Variants in NOS1 observed in about 807,000 individuals in gnomAD.
NOS1 encodes the protein NOS type I.
Under a neutral mutation model 164.5 loss-of-function variants are expected in NOS1, and 51 were observed. That is an observed-to-expected ratio of 0.31 (90% CI 0.25 to 0.39). NOS1 has a LOEUF of 0.39. NOS1 is among the 10% of genes least tolerant of loss of function. The pLI, the probability that NOS1 is intolerant of heterozygous loss-of-function variation, is 1.00. For synonymous variants in NOS1, 719 were observed against 745.8 expected, an observed-to-expected ratio of 0.96 and a Z score of 0.59; for missense variants, 1,362 against 1,885.6, an observed-to-expected ratio of 0.72 and a Z score of 5.14.
At chr12:117,262,618 G>A (rs1378634715) in intron 13 of NOS1, among the ~76,000 whole-genome samples, 2 of 152,118 alleles carry the variant, frequency 1.3e-5, no homozygotes, top group African/African-American at 4.8e-5. Context: ...TGTCTCTGGG[G>A]CCCATGGCTT....
At chr12:117,309,047 A>C (rs1874300342) in intron 3 of NOS1, among the ~76,000 whole-genome samples, 1 of 152,172 alleles carries the variant, frequency 6.6e-6, no homozygotes. Context: ...ATCTGGCCCG[A>C]GGCTGCCTCT....
chr12:117,287,514 C>T (rs749011080), intron 5 of NOS1, among the ~76,000 whole-genome samples: 5 of 152,060 alleles, frequency 3.3e-5, no homozygotes, highest in Non-Finnish European at 7.3e-5. Flanking sequence ...TCTTGGCTCA[C>T]TACAACCTCC....
chr12:117,266,686 T>A (rs1306793158), intron 11 of NOS1, among the ~76,000 whole-genome samples: 1 of 151,990 alleles, frequency 6.6e-6, no homozygotes, highest in Non-Finnish European at 1.5e-5. Context: ...TACAGGCACA[T>A]GCCACTACTG....
intron 24 of NOS1, among the ~76,000 whole-genome samples, chr12:117,226,460 T>C (rs1868682994): frequency 6.6e-6 from 1 of 152,066 alleles, no homozygotes; most frequent in Non-Finnish European, 1.5e-5. Context: ...CCAAATGAAA[T>C]GTGTGTTGCA....
At chr12:117,357,447 G>C (rs1402987582) in intron 1 of NOS1, among the ~76,000 whole-genome samples, 1 of 152,206 alleles carries the variant, frequency 6.6e-6, no homozygotes, top group South Asian at 2.1e-4. Context: ...CGGCATTTAC[G>C]GGGCTTGTAC....
In NOS1 at chr12:117,224,998, C is replaced by G. The variant is rs1448540811; in HGVS notation, c.3826+18G>C. The stretch of plus-strand genomic sequence containing the variant: ...GGTCCGGGGGTGGGAACCAAGTGGC[C>G]ACTGGACTGTAACCCACCTTTGTGT... On this transcript the variant is annotated intron_variant, in intron 25 of 28. Transcript: ENST00000317775. The G allele has an allele frequency of 3.7e-6, 6 of 1,614,020 alleles. No individual in the cohort carries two copies.
intron 24 of NOS1, among the ~76,000 whole-genome samples, chr12:117,226,170 T>C (rs942046405): frequency 6.6e-6 from 1 of 152,176 alleles, no homozygotes; most frequent in African/African-American, 2.4e-5. Flanking sequence ...AGAAAAATGA[T>C]TGGCCAAAGT....
chr12:117,297,385 TGGAA>T (rs767048033), intron 3 of NOS1, among the ~76,000 whole-genome samples: 1 of 151,956 alleles, frequency 6.6e-6, no homozygotes, highest in African/African-American at 2.4e-5. Flanking sequence ...ATTGGGTAAG[TGGAA>T]GGATGGTGGG....
chr12:117,350,501 C>T (rs985040370), intron 1 of NOS1, among the ~76,000 whole-genome samples: 36 of 152,218 alleles, frequency 2.4e-4, no homozygotes, highest in African/African-American at 8.2e-4. Flanking sequence ...TACCCACTCC[C>T]ATTTTCTCAA....
Position 117,214,603 on chromosome 12 carries a change from T to G in NOS1, c.*706A>C. 1.0e-6 allele frequency: 1 copy of G among 985,384 alleles called. No homozygotes were observed. Among genetic ancestry groups the G allele is most frequent in the Non-Finnish European group, 1.2e-6 (1 of 829,932 alleles). 61.0% of individuals were successfully genotyped at this position (985,384 alleles called of 1,614,324 possible). On this transcript the variant is annotated 3_prime_UTR_variant, in exon 29 of 29. Transcript: ENST00000317775. ...CCTCTTTCATTGGGAGACAGCCCCT[T>G]TAATCAATTTCCCACTCCTCTCCCC...
intron 1 of NOS1, among the ~76,000 whole-genome samples, chr12:117,360,517 C>A (rs565474188): frequency 6.6e-6 from 1 of 152,362 alleles, no homozygotes; most frequent in Admixed American, 6.5e-5. Context: ...GTTTTGGAGA[C>A]GGCGCTCTTA....
At chr12:117,280,644 A>T in intron 8 of NOS1, 81 bp downstream of exon 8, 1 of 1,411,212 alleles carries the variant, frequency 7.1e-7, no homozygotes, top group Non-Finnish European at 9.6e-7. Context: ...CTGTGATGAT[A>T]GCATTAAGCC....
At chr12:117,231,939 T>C (rs766097389) in intron 22 of NOS1, 23 bp downstream of exon 22, 5 of 1,603,282 alleles carry the variant, frequency 3.1e-6, no homozygotes, top group Non-Finnish European at 4.3e-6. Flanking sequence ...CCCCCTAGGG[T>C]TGTGCGAAGC....
intron 1 of NOS1, among the ~76,000 whole-genome samples, chr12:117,360,798 C>T (rs1877103859): frequency 6.6e-6 from 1 of 152,136 alleles, no homozygotes; most frequent in African/African-American, 2.4e-5. Flanking sequence ...TACAACGGTC[C>T]CCAGGGACTG....
rs1045466266 is a variant in NOS1, at chr12:117,213,923, G to A, written c.*1386C>T. ...TTGCCTCTTAGGGAGGAATTACACC[G>A]GCTCCAATTCCTACCGAAGACTTGG... is the stretch of plus-strand genomic sequence containing the variant. On this transcript the variant is annotated 3_prime_UTR_variant, in exon 29 of 29. Coordinates refer to ENST00000317775, the MANE Select transcript of NOS1 (RefSeq NM_000620.5). 2.7e-5 allele frequency: 27 copies of A among 985,352 alleles called. No homozygotes were observed. The highest frequency in any genetic ancestry group is 1.0e-3 in the Middle Eastern group (2 of 1,914). The allele number at this position is 985,352 out of a possible 1,614,324, so 61.0% of individuals were successfully genotyped here. A position where few individuals can be genotyped will look rare whatever the true frequency, so the allele number is the denominator to read the frequency against.
At chr12:117,309,777 C>G (rs990562454) in intron 3 of NOS1, among the ~76,000 whole-genome samples, 1 of 149,886 alleles carries the variant, frequency 6.7e-6, no homozygotes, top group African/African-American at 2.4e-5. Context: ...ATGGAGTTGG[C>G]GAGGCTGTGA....
intron 2 of NOS1, among the ~76,000 whole-genome samples, chr12:117,312,875 C>T (rs1458937475): frequency 6.6e-6 from 1 of 152,124 alleles, no homozygotes; most frequent in African/African-American, 2.4e-5. Flanking sequence ...TCATCATCAT[C>T]ACCACCACCA....
rs943671406 is a variant in NOS1, at chr12:117,215,177, C to G, written c.*132G>C. 9.7e-6 allele frequency: 13 copies of G among 1,334,274 alleles called. No homozygotes were observed. In the African/African-American group the frequency reaches 1.6e-4, roughly 17 times the overall value. The allele number at this position is 1,334,274 out of a possible 1,614,324, so 82.7% of individuals were successfully genotyped here. On this transcript the variant is annotated 3_prime_UTR_variant, in exon 29 of 29. Coordinates refer to ENST00000317775, the MANE Select transcript of NOS1 (RefSeq NM_000620.5). ...GGAAACCACTGAGGGGCGAGAAGCC[C>G]GAGGAGGGAAACCAGGGCACAGCGA...
rs71444617 is a variant in NOS1 at position 117,307,994 on chromosome 12, A to AAATAATAAT, written c.852+3463_852+3471dup. On this transcript the variant is annotated intron_variant, in intron 3 of 28. Transcript: ENST00000317775. ...AGCACCAGAGACTCTGTCTCACAATAAATAATAATAATAATAATAATAATA... is the reference window on the plus strand; with the variant it reads ...AGCACCAGAGACTCTGTCTCACAATAAATAATAATAATAATAATAATAATAATAATAATA... Among the ~76,000 whole-genome samples, 971 of 149,832 alleles carry AAATAATAAT rather than the reference A, an allele frequency of 6.5e-3. 12 individuals carry two copies. The highest frequency in any genetic ancestry group is 0.018 in the African/African-American group (725 of 40,970).
Sources: allele counts gnomAD v4.1 joint callset (sites outside exome capture counted in the v4.1 genomes callset), GRCh38; gene constraint gnomAD v4.1.1; transcripts MANE v1.5; gene names NCBI Gene and HGNC (gene_info 2026-07-23, HGNC 2026-07-21).